The following ADAMTS13 variants were observed in gnomAD, a reference collection of about 807,000 sequenced individuals.
The protein encoded by ADAMTS13 is ADAM metallopeptidase with thrombospondin type 1 motif 13.
A neutral mutation model predicts 155.1 loss-of-function variants in ADAMTS13; 110 were observed. That is an observed-to-expected ratio of 0.71 (90% CI 0.61 to 0.83). ADAMTS13 has a LOEUF of 0.83. Ranked by LOEUF, ADAMTS13 falls within the 40% of genes least tolerant of loss-of-function variation. The pLI, the probability that ADAMTS13 is intolerant of heterozygous loss-of-function variation, is 0.00. For synonymous variants in ADAMTS13, 758 were observed against 756.4 expected (o/e 1.00, Z -0.03); for missense variants, 1,707 against 1,891.7 (o/e 0.90, Z 1.81).
intron 1 of ADAMTS13, chr9:133,414,675 G>A (rs1365799283): frequency 1.9e-6 from 3 of 1,613,580 alleles, no homozygotes; most frequent in Non-Finnish European, 2.5e-6. Flanking sequence ...TCGGTGGGTG[G>A]GGCTGGGGCT....
Position 133,424,538 on chromosome 9 carries a change from G to A in ADAMTS13, c.330+60G>A. ...CGGCCAGGGCTGGTGACCAATGTCT[G>A]TGGGCTGGTGTATCTGGTAGTCTGA... On this transcript the variant is annotated intron_variant, in intron 3 of 28. Transcript: ENST00000355699. This position sits in a 1 kb window ranked among gnomAD's most constrained non-coding sequence, Gnocchi z 4.3. The A allele has an allele frequency of 1.3e-6, 2 of 1,568,876 alleles. No individual in the cohort carries two copies. Among genetic ancestry groups the A allele is most frequent in the South Asian group, 2.3e-5 (2 of 86,308 alleles).
chr9:133,422,405 T>A lies in ADAMTS13; in HGVS notation c.-39T>A. The stretch of plus-strand genomic sequence containing the variant: ...CAGATTCCCAGTCACCAAGGCCCCC[T>A]CTCACTCCGCTCCACTCCTCGGGCT... On this transcript the variant is annotated 5_prime_UTR_variant, in exon 1 of 29. Coordinates refer to ENST00000355699, the MANE Select transcript of ADAMTS13 (RefSeq NM_139027.6). 6.3e-7 allele frequency: 1 copy of A among 1,588,754 alleles called. No homozygotes were observed. The highest frequency in any genetic ancestry group is 1.3e-5 in the African/African-American group (1 of 74,602).
At chr9:133,417,585 G>T (rs373501821), upstream of ADAMTS13, 10 of 1,602,112 alleles carry the variant, frequency 6.2e-6, no homozygotes, top group Admixed American at 1.2e-4. Flanking sequence ...GGAATGAGCT[G>T]CGCAGCGCTC....
intron 1 of ADAMTS13, 46 bp downstream of exon 1, chr9:133,422,594 G>A (rs782712278): frequency 6.2e-7 from 1 of 1,600,912 alleles, no homozygotes; most frequent in African/African-American, 1.3e-5. Context: ...GCCTCTGGGT[G>A]GGGTATTCTG....
rs1256906438 is a variant in ADAMTS13 at position 133,428,699 on chromosome 9, C to T, written c.752C>T (p.Ser251Leu). The change falls in exon 7 of 29, where the codon TCG (serine) becomes TTG (leucine). Residue 251 changes from serine (S) to leucine (L), a missense_variant. By Grantham distance (145) the Ser-to-Leu change is moderately radical. Around this residue, in one of 3 missense-constraint regions of ADAMTS13, gnomAD observed 733 missense variants for 749.6 expected, o/e 0.98. Transcript: ENST00000355699. ...GCGPSGHVMA[S>L]DGAAPRAGLA... is the part of the protein sequence containing the mutation. ...GGCCCCAGCGGACACGTGATGGCTT[C>T]GGACGGCGCCGCGCCCCGCGCCGGC... is the stretch of plus-strand genomic sequence containing the variant. 25 of 1,359,728 alleles carry T rather than the reference C, an allele frequency of 1.8e-5. No individual in the cohort carries two copies. Among genetic ancestry groups the T allele is most frequent in the Non-Finnish European group, 2.4e-5 (25 of 1,053,978 alleles). 84.2% of individuals were successfully genotyped at this position (1,359,728 alleles called of 1,614,324 possible).
At chr9:133,449,379 G>T (rs1842284982) in intron 22 of ADAMTS13, among the ~76,000 whole-genome samples, 5 of 151,118 alleles carry the variant, frequency 3.3e-5, no homozygotes, top group Admixed American at 3.3e-4. Flanking sequence ...GGCGGGGAAT[G>T]CAGTTTGATG....
In ADAMTS13 at chr9:133,439,362, C is replaced by T. The variant is rs967189107; in HGVS notation, c.1706-4C>T. 2.5e-6 allele frequency: 4 copies of T among 1,607,498 alleles called. No homozygotes were observed. The highest frequency in any genetic ancestry group is 3.4e-6 in the Non-Finnish European group (4 of 1,174,208). On this transcript the variant is annotated splice_polypyrimidine_tract_variant and splice_region_variant and intron_variant, in intron 14 of 28. Coordinates refer to ENST00000355699, the MANE Select transcript of ADAMTS13 (RefSeq NM_139027.6). The stretch of plus-strand genomic sequence containing the variant: ...CGCATCTCTCCTTCTTTTCTTCTTT[C>T]TAGAATATGTCACGTTTCTGACAGT...
At chr9:133,419,724 C>T (rs782178454), upstream of ADAMTS13, among the ~76,000 whole-genome samples, 9 of 152,078 alleles carry the variant, frequency 5.9e-5, no homozygotes, top group Non-Finnish European at 1.2e-4. Flanking sequence ...AGCAAGTCCA[C>T]CGAAAAGGGT....
upstream of ADAMTS13, among the ~76,000 whole-genome samples, chr9:133,418,859 T>C (rs1378504790): frequency 6.6e-6 from 1 of 152,232 alleles, no homozygotes; most frequent in Non-Finnish European, 1.5e-5. Flanking sequence ...TTTTAGTTTT[T>C]ACTTCTTTAT....
At chr9:133,451,868 C>T (rs2130924154) in intron 23 of ADAMTS13, among the ~76,000 whole-genome samples, 1 of 128,952 alleles carries the variant, frequency 7.8e-6, no homozygotes, top group Non-Finnish European at 1.5e-5. Context: ...GCATGCCAGC[C>T]TGGGCAACAG....
At position 133,425,971 on chromosome 9, in the gene ADAMTS13, T is replaced by C. The variant is rs1386875680; in HGVS notation, c.448T>C (p.Ser150Pro). 1.9e-6 allele frequency: 3 copies of C among 1,613,748 alleles called. No homozygotes were observed. The highest frequency in any genetic ancestry group is 2.2e-5 in the East Asian group (1 of 44,882). Reference protein sequence around the residue: ...APNITANLTSSLLSVCGWSQT... With the variant: ...APNITANLTSPLLSVCGWSQT... ...AAATATCACAGCCAACCTCACCTCG[T>C]CCCTGCTGAGCGTCTGTGGGTGGAG... is the stretch of plus-strand genomic sequence containing the variant. Residue 150 changes from serine to proline, a missense_variant, in exon 5 of 29, where the codon TCC becomes CCC. Transcript: ENST00000355699. This position sits in a 1 kb window ranked among gnomAD's most constrained non-coding sequence, Gnocchi z 4.6.
intron 25 of ADAMTS13, chr9:133,455,689 C>A (rs1554795701): frequency 1.3e-6 from 2 of 1,529,338 alleles, no homozygotes; most frequent in African/African-American, 1.4e-5. Flanking sequence ...CTGGCACAAG[C>A]ACTTGGTCCC....
At position 133,456,411 on chromosome 9, in the gene ADAMTS13, C is replaced by A; in HGVS notation, c.3548-132C>A. On this transcript the variant is annotated intron_variant, in intron 26 of 28. Transcript: ENST00000355699. This position sits in a 1 kb window ranked among gnomAD's most constrained non-coding sequence, Gnocchi z 4.4. The stretch of plus-strand genomic sequence containing the variant: ...AGGCTAGGAGAGATTAAGTGATGTG[C>A]CCAGTTACTTAGAGTCACATAGCCA... 2 of 1,378,758 alleles carry A rather than the reference C, an allele frequency of 1.5e-6. No individual in the cohort carries two copies. Among genetic ancestry groups the A allele is most frequent in the Non-Finnish European group, 1.0e-6 (1 of 1,001,822 alleles). 85.4% of individuals were successfully genotyped at this position (1,378,758 alleles called of 1,614,324 possible). A position where few individuals can be genotyped will look rare whatever the true frequency, so the allele number is the denominator to read the frequency against.
In ADAMTS13 at chr9:133,425,695, C is replaced by T. The variant is rs1297881957; in HGVS notation, c.414+83C>T. 5.4e-6 allele frequency: 8 copies of T among 1,484,540 alleles called. No individual in the cohort carries two copies. In the African/African-American group the frequency reaches 9.7e-5, roughly 18 times the overall value. 92.0% of individuals were successfully genotyped at this position (1,484,540 alleles called of 1,614,324 possible). ...ATCTCCATCCTCTTTAACCTCTTGT[C>T]CCGGATGCCCCAAGCAGCATGGATC... is the stretch of plus-strand genomic sequence containing the variant. On this transcript the variant is annotated intron_variant, in intron 4 of 28. Transcript: ENST00000355699. This position sits in a 1 kb window ranked among gnomAD's most constrained non-coding sequence, Gnocchi z 4.6.
chr9:133,448,541 C>T lies in ADAMTS13; in HGVS notation c.2732-58C>T, dbSNP rs78416370. ...GCTAGAGGTGTCCAGTGAGCCTGGGCTGCAGTCCTTGCTGAGCCTGTCCCT... is the reference window on the plus strand; with the variant it reads ...GCTAGAGGTGTCCAGTGAGCCTGGGTTGCAGTCCTTGCTGAGCCTGTCCCT... On this transcript the variant is annotated intron_variant, in intron 21 of 28. Transcript: ENST00000355699. 2,125 of 1,601,048 alleles carry T rather than the reference C, an allele frequency of 1.3e-3. 24 individuals are homozygous for T. The East Asian group carries it at 0.025, about 19-fold the overall frequency.
intron 7 of ADAMTS13, among the ~76,000 whole-genome samples, chr9:133,429,044 TCA>T (rs1840504767): frequency 1.3e-5 from 2 of 149,284 alleles, no homozygotes; most frequent in Admixed American, 1.3e-4. Flanking sequence ...CACTCCGCAT[TCA>T]GCCCTCCTTC....
chr9:133,443,270 C>T, intron 18 of ADAMTS13, 106 bp from the exon 19 acceptor site: 1 of 1,386,900 alleles, frequency 7.2e-7, no homozygotes, highest in Non-Finnish European at 9.9e-7. Flanking sequence ...GCCGTAGTGC[C>T]CATTGCTTGT....
intron 11 of ADAMTS13, among the ~76,000 whole-genome samples, chr9:133,435,384 C>T (rs1287258130): frequency 1.3e-5 from 2 of 151,704 alleles, no homozygotes; most frequent in Non-Finnish European, 2.9e-5. Flanking sequence ...GATGGAGTTT[C>T]CACCACGTCA....
upstream of ADAMTS13, chr9:133,417,555 T>TC (rs375637340): frequency 3.3e-5 from 51 of 1,543,452 alleles, no homozygotes; most frequent in African/African-American, 4.6e-4. Context: ...CCCAAGTCTT[T>TC]CCCTCCGTCG....
Sources: allele counts gnomAD v4.1 joint callset (sites outside exome capture counted in the v4.1 genomes callset), GRCh38; gene constraint gnomAD v4.1.1; regional missense constraint gnomAD v4.1.1; non-coding constraint Gnocchi (gnomAD v3.1); transcripts MANE v1.5; gene names NCBI Gene and HGNC (gene_info 2026-07-23, HGNC 2026-07-21).